The following KCNQ1 variants were observed in gnomAD, a reference collection of about 807,000 sequenced individuals.
The protein encoded by KCNQ1 is potassium voltage-gated channel subfamily Q member 1, also known as potassium voltage-gated channel subfamily KQT member 1.
KCNQ1 carries 49 observed loss-of-function variants against 72.4 expected under a neutral mutation model. The observed-to-expected ratio is 0.68, with a 90% CI of 0.54 to 0.86. The LOEUF (loss-of-function observed/expected upper bound fraction) is 0.86. Among genes scored for constraint, KCNQ1 ranks in the 40% least tolerant of loss-of-function variants. The pLI is 0.00. For synonymous variants in KCNQ1, 450 were observed against 412.6 expected (o/e 1.09, Z -1.10); for missense variants, 790 against 945.1 (o/e 0.84, Z 2.15).
In KCNQ1 at chr11:2,695,241, C is replaced by T; in HGVS notation, c.1514+33160C>T. On this transcript the variant is annotated intron_variant, in intron 11 of 15. Transcript: ENST00000155840. This position sits in a 1 kb window ranked among gnomAD's most constrained non-coding sequence, Gnocchi z 5.2. ...TGCATAAAGTCACCGCTCTCTTCCT[C>T]TCCATGCTTTTCCACTTCATCTCTA... The T allele has an allele frequency of 2.5e-6, 1 of 398,684 alleles. No homozygotes were observed. The highest frequency in any genetic ancestry group is 6.3e-4 in the Middle Eastern group (1 of 1,588). The allele number at this position is 398,684 out of a possible 1,614,324, so 24.7% of individuals were successfully genotyped here.
Position 2,484,942 on chromosome 11 carries a change from G to C in KCNQ1, c.386+39458G>C, listed in dbSNP as rs1202910336. Among the ~76,000 whole-genome samples, 1 of 152,026 alleles carries C rather than the reference G, an allele frequency of 6.6e-6. No individual in the cohort carries two copies. On this transcript the variant is annotated intron_variant, in intron 1 of 15. Coordinates refer to ENST00000155840, the MANE Select transcript of KCNQ1 (RefSeq NM_000218.3). The surrounding 1 kb of genome is among the most constrained non-coding windows in gnomAD (Gnocchi z 5.2). ...AAACCTGGCTCTCTCACCTTCACCTGCTCGTCCAACCCCAGCTGCAAGGGA... is the reference window on the plus strand; with the variant it reads ...AAACCTGGCTCTCTCACCTTCACCTCCTCGTCCAACCCCAGCTGCAAGGGA...
chr11:2,741,533 A>G (rs923454704), intron 11 of KCNQ1, among the ~76,000 whole-genome samples: 2 of 151,980 alleles, frequency 1.3e-5, no homozygotes, highest in Non-Finnish European at 2.9e-5. Flanking sequence ...CCTACAGCCT[A>G]TCCCCTACCC....
At chr11:2,761,049 C>T (rs1378545682) in intron 11 of KCNQ1, among the ~76,000 whole-genome samples, 1 of 152,230 alleles carries the variant, frequency 6.6e-6, no homozygotes, top group Non-Finnish European at 1.5e-5. Flanking sequence ...GAGGTTCTTG[C>T]CTTGGCGTAC....
At position 2,613,283 on chromosome 11, in the gene KCNQ1, C is replaced by T. The variant is rs1427681131; in HGVS notation, c.1393+24429C>T. The T allele has an allele frequency of 2.5e-6, 1 of 398,544 alleles. No individual in the cohort carries two copies. Among genetic ancestry groups the T allele is most frequent in the Non-Finnish European group, 4.4e-6 (1 of 226,044 alleles). 24.7% of individuals were successfully genotyped at this position (398,544 alleles called of 1,614,324 possible). A position where few individuals can be genotyped will look rare whatever the true frequency, so the allele number is the denominator to read the frequency against. ...AAACCTCTCTGATCTCTCCTGCAAG[C>T]ATGTACAACTTCCATATCTCCAGAA... is the stretch of plus-strand genomic sequence containing the variant. On this transcript the variant is annotated intron_variant, in intron 10 of 15. Transcript: ENST00000155840. This position sits in a 1 kb window ranked among gnomAD's most constrained non-coding sequence, Gnocchi z 4.8.
chr11:2,532,632 AG>A (rs1034220667), intron 2 of KCNQ1, among the ~76,000 whole-genome samples: 4 of 151,648 alleles, frequency 2.6e-5, no homozygotes, highest in African/African-American at 9.7e-5. Context: ...TGCTTGGAGG[AG>A]GGGGCGCTCA....
In KCNQ1 at chr11:2,561,352, C is replaced by G. The variant is rs1456038384; in HGVS notation, c.478-9276C>G. Reference sequence around the variant, plus strand: ...GACGGGGCGTCAGGTCAGCGGGGCTCTTCTGTGCTGTGTGCAGCATGAGAG... The same window carrying G: ...GACGGGGCGTCAGGTCAGCGGGGCTGTTCTGTGCTGTGTGCAGCATGAGAG... On this transcript the variant is annotated intron_variant, in intron 2 of 15. Transcript: ENST00000155840. Among the ~76,000 whole-genome samples, 7 of 152,324 alleles carry G rather than the reference C, an allele frequency of 4.6e-5. No homozygotes were observed. In the South Asian group the frequency reaches 1.2e-3, roughly 27 times the overall value.
intron 15 of KCNQ1, among the ~76,000 whole-genome samples, 188 bp downstream of exon 15, chr11:2,778,225 T>TC (rs1215659466): frequency 6.6e-6 from 1 of 152,176 alleles, no homozygotes; most frequent in African/African-American, 2.4e-5. Context: ...GGGGCATTGG[T>TC]CCCCCATGGA....
chr11:2,599,091 G>T lies in KCNQ1; in HGVS notation c.1393+10237G>T, dbSNP rs569685739. Among the ~76,000 whole-genome samples, 4 of 152,276 alleles carry T rather than the reference G, an allele frequency of 2.6e-5. No individual in the cohort carries two copies. The South Asian group carries it at 8.3e-4, about 32-fold the overall frequency. On this transcript the variant is annotated intron_variant, in intron 10 of 15. Coordinates refer to ENST00000155840, the MANE Select transcript of KCNQ1 (RefSeq NM_000218.3). This position sits in a 1 kb window ranked among gnomAD's most constrained non-coding sequence, Gnocchi z 4.7. ...AATGGAATAGATGTGTTTCAGTACA[G>T]AACTTTTTTCTTATGTTTGCTTGGG... is the stretch of plus-strand genomic sequence containing the variant.
intron 11 of KCNQ1, among the ~76,000 whole-genome samples, chr11:2,717,895 C>G (rs1277300335): frequency 6.6e-6 from 1 of 152,188 alleles, no homozygotes; most frequent in Non-Finnish European, 1.5e-5. Flanking sequence ...AGGTTTGAGC[C>G]CCCCGGGGTA....
intron 13 of KCNQ1, among the ~76,000 whole-genome samples, chr11:2,776,636 T>A (rs1171444535): frequency 6.6e-6 from 1 of 152,108 alleles, no homozygotes; most frequent in Admixed American, 6.5e-5. Flanking sequence ...ACTAGCTCCG[T>A]GTGTTACAGG....
intron 6 of KCNQ1, among the ~76,000 whole-genome samples, chr11:2,581,196 C>T (rs567889616): frequency 9.2e-5 from 14 of 152,360 alleles, no homozygotes; most frequent in Middle Eastern, 3.4e-3. Flanking sequence ...CTTCTAGGCC[C>T]GTTTCTGGGC....
chr11:2,496,132 G>A (rs1008093131), intron 1 of KCNQ1, among the ~76,000 whole-genome samples: 4 of 152,042 alleles, frequency 2.6e-5, no homozygotes, highest in Admixed American at 2.6e-4. Flanking sequence ...TTTGAAGTCT[G>A]TTTTATCAAA....
chr11:2,559,406 G>A lies in KCNQ1; in HGVS notation c.478-11222G>A, dbSNP rs1367416550. Among the ~76,000 whole-genome samples the A allele has an allele frequency of 1.4e-4, 21 of 152,292 alleles. No homozygotes were observed. Among genetic ancestry groups the A allele is most frequent in the Admixed American group, 5.2e-4 (8 of 15,308 alleles). ...GATGTGCCCTTGTGGCTACTTAGAC[G>A]TAGAGCCCGGGGCAGGGGGAGGGCC... On this transcript the variant is annotated intron_variant, in intron 2 of 15. Coordinates refer to ENST00000155840, the MANE Select transcript of KCNQ1 (RefSeq NM_000218.3). This position sits in a 1 kb window ranked among gnomAD's most constrained non-coding sequence, Gnocchi z 4.9.
chr11:2,618,117 C>A, intron 10 of KCNQ1: 6 of 398,456 alleles, frequency 1.5e-5, no homozygotes, highest in Non-Finnish European at 2.2e-5. Context: ...CCATGTCGAG[C>A]TTTTCCCCTA....
At chr11:2,684,911 G>A (rs1332252519) in intron 11 of KCNQ1, 4 of 398,568 alleles carry the variant, frequency 1.0e-5, no homozygotes, top group Non-Finnish European at 1.8e-5. Context: ...AGGTAGGTAA[G>A]TTTGTGTCCC....
In KCNQ1 at chr11:2,567,687, A is replaced by G. The variant is rs989329158; in HGVS notation, c.478-2941A>G. ...CCTGACAAGCGGGGCCTCCCCAGCC[A>G]TGCAGCCTTGCACTGCCTTCCCACA... On this transcript the variant is annotated intron_variant, in intron 2 of 15. Transcript: ENST00000155840. The surrounding 1 kb of genome is among the most constrained non-coding windows in gnomAD (Gnocchi z 6.6). Among the ~76,000 whole-genome samples the G allele has an allele frequency of 3.9e-5, 6 of 152,184 alleles. No individual in the cohort carries two copies. In the South Asian group the frequency reaches 1.0e-3, roughly 26 times the overall value.
rs923375346 is a variant in KCNQ1, at chr11:2,482,409, G to A, written c.386+36925G>A. Among the ~76,000 whole-genome samples, 4 of 152,080 alleles carry A rather than the reference G, an allele frequency of 2.6e-5. No individual in the cohort carries two copies. Among genetic ancestry groups the A allele is most frequent in the South Asian group, 2.1e-4 (1 of 4,826 alleles). On this transcript the variant is annotated intron_variant, in intron 1 of 15. Transcript: ENST00000155840. This position sits in a 1 kb window ranked among gnomAD's most constrained non-coding sequence, Gnocchi z 5.7. ...TGAACGTAATCAACTCTCTATTGAC[G>A]GCTGGGTTATTTCCTAATTGACTGC...
intron 10 of KCNQ1, chr11:2,650,142 C>T (rs967373338): frequency 7.5e-6 from 3 of 398,038 alleles, no homozygotes; most frequent in Non-Finnish European, 8.9e-6. Context: ...TTGTTTGGTT[C>T]TTTTTCATAT....
chr11:2,630,846 T>A (rs771804438), intron 10 of KCNQ1: 1 of 398,424 alleles, frequency 2.5e-6, no homozygotes, highest in African/African-American at 2.1e-5. Context: ...ACAGCTTTGC[T>A]GTGTAAAGTA....
Sources: gnomAD v4.1 joint callset for allele counts (sites outside exome capture counted in the v4.1 genomes callset) on GRCh38, gnomAD v4.1.1 for gene constraint, Gnocchi (gnomAD v3.1) non-coding constraint, MANE v1.5 for transcripts, NCBI Gene and HGNC (gene_info 2026-07-23, HGNC 2026-07-21) for gene names.